MAGI2: variants seen among roughly 807,000 people sequenced by gnomAD.
MAGI2 encodes the protein membrane associated guanylate kinase, WW and PDZ domain containing 2, also known as membrane-associated guanylate kinase, WW and PDZ domain-containing protein 2.
MAGI2 carries 35 observed loss-of-function variants against 133.3 expected under a neutral mutation model. The ratio of observed to expected loss-of-function variants is 0.26; its 90% CI spans 0.20 to 0.35. The LOEUF (loss-of-function observed/expected upper bound fraction) is 0.35, where lower values mean the gene tolerates loss of function less well. MAGI2 is among the 10% of genes least tolerant of loss of function. The pLI, the probability that MAGI2 is intolerant of heterozygous loss-of-function variation, is 1.00. For missense variants in MAGI2, 1,636 were observed against 1,863.4 expected (o/e 0.88, Z 2.25); for synonymous variants, 729 against 710.6 (o/e 1.03, Z -0.41).
chr7:78,198,544 C>T (rs893532601), intron 11 of MAGI2, among the ~76,000 whole-genome samples: 4 of 152,002 alleles, frequency 2.6e-5, no homozygotes, highest in Non-Finnish European at 4.4e-5. Context: ...TGATCCTCCC[C>T]GCTCAGTCTC....
intron 12 of MAGI2, among the ~76,000 whole-genome samples, chr7:78,192,477 A>T (rs1828317076): frequency 6.6e-6 from 1 of 152,012 alleles, no homozygotes; most frequent in Non-Finnish European, 1.5e-5. Context: ...TTTACATGAG[A>T]AAATAAAACT....
chr7:79,099,873 A>G (rs898554585), intron 1 of MAGI2, among the ~76,000 whole-genome samples: 1 of 152,200 alleles, frequency 6.6e-6, no homozygotes, highest in African/African-American at 2.4e-5. Flanking sequence ...AAATGGTAAT[A>G]TATGTTCATT....
chr7:78,340,422 T>C (rs1401626813), intron 9 of MAGI2, among the ~76,000 whole-genome samples: 3 of 152,020 alleles, frequency 2.0e-5, no homozygotes, highest in East Asian at 3.9e-4. Context: ...TTCCAAACAA[T>C]AGAAAATGAG....
chr7:78,994,285 T>A (rs113510497), intron 2 of MAGI2, among the ~76,000 whole-genome samples: 2 of 152,118 alleles, frequency 1.3e-5, no homozygotes, highest in Non-Finnish European at 2.9e-5. Context: ...TGAACAGCAC[T>A]GCTGTCTCTG....
At chr7:78,497,773 T>TATC (rs1794259068) in intron 5 of MAGI2, among the ~76,000 whole-genome samples, 1 of 151,664 alleles carries the variant, frequency 6.6e-6, no homozygotes. Flanking sequence ...TCTTTCTATC[T>TATC]TATACACAGA....
chr7:78,571,725 G>C (rs182662917), intron 3 of MAGI2, among the ~76,000 whole-genome samples: 27 of 152,112 alleles, frequency 1.8e-4, no homozygotes, highest in Admixed American at 1.7e-3. Flanking sequence ...GGAAGAAAAA[G>C]AAAAAGTGGA....
intron 3 of MAGI2, among the ~76,000 whole-genome samples, chr7:78,602,525 G>A (rs1245642006): frequency 6.6e-6 from 1 of 151,560 alleles, no homozygotes; most frequent in East Asian, 1.9e-4. Flanking sequence ...CCAATTCCTT[G>A]AGAATATTTG....
At chr7:78,646,686 A>G (rs578224773) in intron 2 of MAGI2, among the ~76,000 whole-genome samples, 1 of 152,362 alleles carries the variant, frequency 6.6e-6, no homozygotes, top group Non-Finnish European at 1.5e-5. Context: ...TATCATGTCC[A>G]AAGAAAGATT....
chr7:78,327,034 G>A (rs1021108850), intron 9 of MAGI2, among the ~76,000 whole-genome samples: 4 of 152,178 alleles, frequency 2.6e-5, no homozygotes. Flanking sequence ...TGGCTCTTTT[G>A]TAGGATGGAT....
At chr7:78,155,733 C>T (rs1824322926) in intron 16 of MAGI2, among the ~76,000 whole-genome samples, 2 of 152,236 alleles carry the variant, frequency 1.3e-5, no homozygotes, top group South Asian at 2.1e-4. Flanking sequence ...AATGGTTGGC[C>T]TACTTGGTCA....
intron 9 of MAGI2, among the ~76,000 whole-genome samples, chr7:78,282,583 C>A (rs1795729595): frequency 6.6e-6 from 1 of 152,048 alleles, no homozygotes; most frequent in African/African-American, 2.4e-5. Flanking sequence ...CTGCCTTAGA[C>A]TGTAAGTTTC....
chr7:78,658,607 G>C (rs1408629898), intron 2 of MAGI2, among the ~76,000 whole-genome samples: 1 of 152,050 alleles, frequency 6.6e-6, no homozygotes, highest in South Asian at 2.1e-4. Flanking sequence ...GAAAAATAAA[G>C]AACTCAAAAC....
At chr7:79,276,287 C>T (rs1181229305) in intron 1 of MAGI2, among the ~76,000 whole-genome samples, 1 of 152,034 alleles carries the variant, frequency 6.6e-6, no homozygotes, top group Non-Finnish European at 1.5e-5. Context: ...TTGAGGAGTT[C>T]AAGAATTCAG....
chr7:78,391,790 T>A lies in MAGI2; in HGVS notation c.1046-22577A>T, dbSNP rs552789933. On this transcript the variant is annotated intron_variant, in intron 6 of 21. Coordinates refer to ENST00000354212, the MANE Select transcript of MAGI2 (RefSeq NM_012301.4). The stretch of plus-strand genomic sequence containing the variant: ...TAAAGATGACACTATTGGCATCACC[T>A]AGGCATTCACTATAGGTAATTTCTA... Among the ~76,000 whole-genome samples, 3 of 152,352 alleles carry A rather than the reference T, an allele frequency of 2.0e-5. No homozygotes were observed. In the South Asian group the frequency reaches 6.2e-4, roughly 32 times the overall value.
chr7:79,056,148 C>T (rs1367431576), intron 1 of MAGI2, among the ~76,000 whole-genome samples: 1 of 152,140 alleles, frequency 6.6e-6, no homozygotes, highest in Non-Finnish European at 1.5e-5. Context: ...AACTCCAGCC[C>T]TTTCGGGGGC....
At chr7:79,155,345 G>T (rs1823669886) in intron 1 of MAGI2, among the ~76,000 whole-genome samples, 1 of 152,094 alleles carries the variant, frequency 6.6e-6, no homozygotes, top group South Asian at 2.1e-4. Context: ...CACTGTGCTA[G>T]ACTCTTAAGA....
intron 2 of MAGI2, among the ~76,000 whole-genome samples, chr7:78,805,377 C>T (rs1157903771): frequency 1.3e-5 from 2 of 151,998 alleles, no homozygotes; most frequent in Non-Finnish European, 2.9e-5. Flanking sequence ...GTTCTCTACC[C>T]TTCCTGATTT....
intron 2 of MAGI2, among the ~76,000 whole-genome samples, chr7:78,906,527 G>A (rs1481181629): frequency 1.3e-5 from 2 of 152,108 alleles, no homozygotes; most frequent in Non-Finnish European, 2.9e-5. Context: ...AGAGTGGAGA[G>A]GAATCTCTAC....
At chr7:78,372,260 T>TG (rs1248970508) in intron 6 of MAGI2, among the ~76,000 whole-genome samples, 1 of 152,130 alleles carries the variant, frequency 6.6e-6, no homozygotes, top group Non-Finnish European at 1.5e-5. Context: ...CATTATACAC[T>TG]GAAGAGTACA....
Sources: gnomAD v4.1 joint callset for allele counts (sites outside exome capture counted in the v4.1 genomes callset) on GRCh38, gnomAD v4.1.1 for gene constraint, MANE v1.5 for transcripts, NCBI Gene and HGNC (gene_info 2026-07-23, HGNC 2026-07-21) for gene names.